The following FUT8 variants were observed in gnomAD, a reference collection of about 807,000 sequenced individuals.
FUT8 encodes alpha-(1,6)-fucosyltransferase.
Under a neutral mutation model 71.3 loss-of-function variants are expected in FUT8, and 29 were observed. That is an observed-to-expected ratio of 0.41 (90% CI 0.30 to 0.55). FUT8 has a LOEUF of 0.55. FUT8 is among the 20% of genes least tolerant of loss of function. The pLI, the probability that FUT8 is intolerant of heterozygous loss-of-function variation, is 0.34. For synonymous variants in FUT8, 254 were observed against 239.3 expected (o/e 1.06, Z -0.57); for missense variants, 544 against 702.1 (o/e 0.77, Z 2.55).
intron 3 of FUT8, among the ~76,000 whole-genome samples, chr14:65,584,973 A>G (rs1024958781): frequency 1.3e-5 from 2 of 152,154 alleles, no homozygotes; most frequent in Admixed American, 6.5e-5. Context: ...TTGGAAATAT[A>G]TATAACCTAT....
chr14:65,418,088 A>T (rs550887833), intron 1 of FUT8, among the ~76,000 whole-genome samples: 1 of 152,334 alleles, frequency 6.6e-6, no homozygotes, highest in African/African-American at 2.4e-5. Flanking sequence ...AGTTTATATC[A>T]TGTAGCAATG....
the FUT8 span, among the ~76,000 whole-genome samples, chr14:65,367,720 C>A: frequency 6.6e-6 from 1 of 152,108 alleles, no homozygotes; most frequent in Admixed American, 6.6e-5. Context: ...GATTCAGAAC[C>A]CAGAGAACAC....
chr14:65,533,462 T>G (rs916634095), intron 2 of FUT8, among the ~76,000 whole-genome samples: 14 of 152,186 alleles, frequency 9.2e-5, no homozygotes, highest in African/African-American at 3.4e-4. Context: ...GCTTGGCTGT[T>G]GTTGCTGTAT....
chr14:65,370,786 C>T, the FUT8 span, among the ~76,000 whole-genome samples: 1 of 152,002 alleles, frequency 6.6e-6, no homozygotes, highest in Non-Finnish European at 1.5e-5. Context: ...AAAAACAAAC[C>T]GTTTATTAAC....
At chr14:65,461,744 A>G (rs1232999037) in intron 2 of FUT8, among the ~76,000 whole-genome samples, 1 of 152,206 alleles carries the variant, frequency 6.6e-6, no homozygotes, top group Non-Finnish European at 1.5e-5. Context: ...TCACTGAGAC[A>G]ATGAGTATTG....
chr14:65,582,624 A>G (rs902122941), intron 3 of FUT8, among the ~76,000 whole-genome samples: 2 of 152,066 alleles, frequency 1.3e-5, no homozygotes, highest in African/African-American at 4.8e-5. Context: ...CCCTTTCTAT[A>G]TGTTCACCCA....
chr14:65,436,018 G>A (rs1468772865), intron 1 of FUT8, among the ~76,000 whole-genome samples: 1 of 148,824 alleles, frequency 6.7e-6, no homozygotes, highest in East Asian at 2.0e-4. Context: ...AGCCTCAGAC[G>A]ACTCTGAACT....
rs560820282 is a variant in FUT8 at position 65,527,463 on chromosome 14, G to A, written c.-227-33874G>A. Among the ~76,000 whole-genome samples, 5 of 152,168 alleles carry A rather than the reference G, an allele frequency of 3.3e-5. No homozygotes were observed. The South Asian group carries it at 6.2e-4, about 19-fold the overall frequency. On this transcript the variant is annotated intron_variant, in intron 2 of 10. Coordinates refer to ENST00000673929, the MANE Select transcript of FUT8 (RefSeq NM_001371533.1). ...CACTGGTTATTCTAGTTAATCCTTCGTCTAATCTTTTTTCAAGGTTTTTAG... is the reference window on the plus strand; with the variant it reads ...CACTGGTTATTCTAGTTAATCCTTCATCTAATCTTTTTTCAAGGTTTTTAG...
At chr14:65,478,150 A>G (rs554076378) in intron 2 of FUT8, among the ~76,000 whole-genome samples, 1 of 152,040 alleles carries the variant, frequency 6.6e-6, no homozygotes. Context: ...TCTACCCCAG[A>G]TAGTATCTAT....
At chr14:65,556,002 C>T (rs1885568567) in intron 2 of FUT8, among the ~76,000 whole-genome samples, 1 of 152,234 alleles carries the variant, frequency 6.6e-6, no homozygotes, top group Non-Finnish European at 1.5e-5. Flanking sequence ...AGACTCAGTT[C>T]TGTCCTGCAA....
At chr14:65,633,635 C>A (rs1486446066) in intron 6 of FUT8, among the ~76,000 whole-genome samples, 1 of 151,910 alleles carries the variant, frequency 6.6e-6, no homozygotes, top group Non-Finnish European at 1.5e-5. Flanking sequence ...CCCCGCCGCC[C>A]CGTCTGGGAT....
rs568044687 is a variant in FUT8, at chr14:65,649,905, A to G, written c.598-19338A>G. ...AAATGTGCATTAAATGTTTGAGAAT[A>G]TATTGGGCTTAAAATACAGTTTTAG... On this transcript the variant is annotated intron_variant, in intron 6 of 10. Transcript: ENST00000673929. Among the ~76,000 whole-genome samples the G allele has an allele frequency of 2.0e-4, 31 of 152,332 alleles. No homozygotes were observed. The South Asian group carries it at 6.2e-3, about 31-fold the overall frequency.
chr14:65,575,103 T>A (rs1457061840), intron 3 of FUT8, among the ~76,000 whole-genome samples: 5 of 151,512 alleles, frequency 3.3e-5, no homozygotes, highest in African/African-American at 1.2e-4. Context: ...TATTAATTTA[T>A]TTTATTTTAT....
chr14:65,538,802 C>A lies in FUT8; in HGVS notation c.-227-22535C>A, dbSNP rs560571740. ...GGGTGTGGTGGCATGCGCCTGTAAT[C>A]CCAGCTACTCAGGAGGCTGAGGCAG... On this transcript the variant is annotated intron_variant, in intron 2 of 10. Transcript: ENST00000673929. 1.1e-4 allele frequency among the ~76,000 whole-genome samples: 16 copies of A among 152,098 alleles called. No homozygotes were observed. In the South Asian group the frequency reaches 3.3e-3, roughly 32 times the overall value.
At chr14:65,433,787 T>TCTCTCTCTCTCTCC in intron 1 of FUT8, among the ~76,000 whole-genome samples, 2 of 9,792 alleles carry the variant, frequency 2.0e-4, no homozygotes, top group Non-Finnish European at 5.0e-4. Context: ...TTCTGTCTCT[T>TCTCTCTCTCTCTCC]CTCTCTCTCT....
chr14:65,725,348 T>C (rs1895624564), intron 9 of FUT8, among the ~76,000 whole-genome samples: 1 of 152,166 alleles, frequency 6.6e-6, no homozygotes, highest in African/African-American at 2.4e-5. Context: ...TACCCTACAG[T>C]TGAGTAACAC....
chr14:65,717,814 C>T (rs530530474), intron 7 of FUT8, among the ~76,000 whole-genome samples: 1 of 152,138 alleles, frequency 6.6e-6, no homozygotes, highest in African/African-American at 2.4e-5. Flanking sequence ...CGCTCCTCAC[C>T]TCCTTCTTTG....
chr14:65,468,092 T>G (rs1473245025), intron 2 of FUT8: 3 of 629,420 alleles, frequency 4.8e-6, no homozygotes, highest in Non-Finnish European at 8.8e-6. Context: ...AACAGCATGC[T>G]GAGTAACGTG....
At chr14:65,387,043 T>C in the FUT8 span, among the ~76,000 whole-genome samples, 1 of 152,116 alleles carries the variant, frequency 6.6e-6, no homozygotes, top group Non-Finnish European at 1.5e-5. Flanking sequence ...GGTTTCACCA[T>C]GTTGGTCAGG....
Sources: gnomAD v4.1 joint callset for allele counts (sites outside exome capture counted in the v4.1 genomes callset) on GRCh38, gnomAD v4.1.1 for gene constraint, MANE v1.5 for transcripts, NCBI Gene and HGNC (gene_info 2026-07-23, HGNC 2026-07-21) for gene names.